The following SIRPD variants were observed in gnomAD, a reference collection of about 807,000 sequenced individuals.
SIRPD encodes signal-regulatory protein delta.
Under a neutral mutation model 18.0 loss-of-function variants are expected in SIRPD, and 21 were observed. The observed-to-expected ratio is 1.17, with a 90% CI of 0.83 to 1.68. The LOEUF is 1.68. SIRPD is among the 40% of genes most tolerant of loss of function. The probability of loss-of-function intolerance (pLI) is 0.00; values close to 1 mark genes in which losing one functional copy is unlikely to be tolerated. For missense variants in SIRPD, 295 were observed against 238.4 expected (o/e 1.24, Z -1.56); for synonymous variants, 106 against 92.9 (o/e 1.14, Z -0.81).
intron 3 of SIRPD, among the ~76,000 whole-genome samples, chr20:1,535,537 C>G (rs1184609531): frequency 2.6e-5 from 4 of 152,104 alleles, no homozygotes; most frequent in Non-Finnish European, 5.9e-5. Context: ...GTATAGTATG[C>G]TAGCATGCTC....
rs753719075 is a variant in SIRPD, at chr20:1,551,931, G to A, written c.181C>T (p.Pro61Ser). The change falls in exon 2 of 4, where the codon CCT becomes TCT. Residue 61 changes from proline (P) to serine (S), a missense_variant. Pro to Ser is a moderately conservative substitution (Grantham distance 74). Coordinates refer to ENST00000381623, the MANE Select transcript of SIRPD (RefSeq NM_178460.3). ...CSVPNTLPNG[P>S]VLWFKGTGPN... is the part of the protein sequence containing the mutation. ...CCTGTTCCCTTGAACCACAAGACAGGTCCATTTGGTAAGGTATTGGGTACG... is the reference window on the plus strand; with the variant it reads ...CCTGTTCCCTTGAACCACAAGACAGATCCATTTGGTAAGGTATTGGGTACG... 6.2e-7 allele frequency: 1 copy of A among 1,613,944 alleles called. No homozygotes were observed. The highest frequency in any genetic ancestry group is 1.3e-5 in the African/African-American group (1 of 74,882).
In SIRPD at chr20:1,551,953, T is replaced by C. The variant is rs147009215; in HGVS notation, c.159A>G (p.Val53=). ...TGESIILSCS[V]PNTLPNGPVL... ...CAGGTCCATTTGGTAAGGTATTGGG[T>C]ACGCTGCAACTCAAGATGATTGACT... is the stretch of plus-strand genomic sequence containing the variant. Residue 53 remains valine, a synonymous_variant, in exon 2 of 4, where the codon GTA becomes GTG. Transcript: ENST00000381623. The C allele has an allele frequency of 3.4e-3, 5,431 of 1,614,092 alleles. 19 individuals carry two copies. Among genetic ancestry groups the C allele is most frequent in the Non-Finnish European group, 3.7e-3 (4,410 of 1,179,992 alleles).
intron 2 of SIRPD, among the ~76,000 whole-genome samples, chr20:1,544,057 G>A (rs1311447596): frequency 1.3e-5 from 2 of 152,196 alleles, no homozygotes; most frequent in Admixed American, 6.5e-5. Context: ...GAATAAGTGA[G>A]ATATGGTGCT....
chr20:1,536,752 C>T (rs542711064), intron 3 of SIRPD, among the ~76,000 whole-genome samples: 1 of 152,282 alleles, frequency 6.6e-6, no homozygotes, highest in East Asian at 1.9e-4. Flanking sequence ...GACAGCATCC[C>T]TGTCTCCCTC....
chr20:1,542,361 G>T (rs1027512008), intron 2 of SIRPD, among the ~76,000 whole-genome samples: 3 of 152,068 alleles, frequency 2.0e-5, no homozygotes, highest in Non-Finnish European at 2.9e-5. Context: ...CACATCCCTT[G>T]TAAGTTGTAT....
intron 2 of SIRPD, among the ~76,000 whole-genome samples, chr20:1,538,929 T>G (rs2090959601): frequency 6.6e-6 from 1 of 152,182 alleles, no homozygotes; most frequent in South Asian, 2.1e-4. Flanking sequence ...ATAAGATGGT[T>G]GTTTTTTTGA....
chr20:1,555,687 A>G (rs1448627650), intron 1 of SIRPD, among the ~76,000 whole-genome samples: 1 of 152,276 alleles, frequency 6.6e-6, no homozygotes, highest in African/African-American at 2.4e-5. Flanking sequence ...TAAGTTCTAC[A>G]AAACAATGGA....
At chr20:1,540,833 C>T (rs1555802639) in intron 2 of SIRPD, among the ~76,000 whole-genome samples, 1 of 152,094 alleles carries the variant, frequency 6.6e-6, no homozygotes, top group Non-Finnish European at 1.5e-5. Flanking sequence ...TGTTCTCCTC[C>T]CTGTGCCCAT....
rs1007335003 is a variant in SIRPD, at chr20:1,534,305, C to T, written c.*120G>A. 3.4e-5 allele frequency: 46 copies of T among 1,354,070 alleles called. No homozygotes were observed. Among genetic ancestry groups the T allele is most frequent in the Non-Finnish European group, 4.1e-5 (40 of 967,830 alleles). 83.9% of individuals were successfully genotyped at this position (1,354,070 alleles called of 1,614,324 possible). On this transcript the variant is annotated 3_prime_UTR_variant, in exon 4 of 4. Transcript: ENST00000381623. ...GTACGATCAAGCTGGCATTTTATGT[C>T]AGTGGAAGAAAGCTCTCTTGAAGAA...
At chr20:1,540,430 T>C (rs2090966076) in intron 2 of SIRPD, 3 of 420,540 alleles carry the variant, frequency 7.1e-6, no homozygotes, top group Non-Finnish European at 1.4e-5. Flanking sequence ...TGCAGATATT[T>C]GTCTGTAGAT....
chr20:1,551,424 T>C (rs2091018397), intron 2 of SIRPD, among the ~76,000 whole-genome samples: 1 of 152,218 alleles, frequency 6.6e-6, no homozygotes, highest in Non-Finnish European at 1.5e-5. Context: ...GGAATTATCC[T>C]AGTTGGCTTA....
rs1311444936 is a variant in SIRPD, at chr20:1,537,143, G to A, written c.577+12C>T. On this transcript the variant is annotated intron_variant, in intron 3 of 3. Coordinates refer to ENST00000381623, the MANE Select transcript of SIRPD (RefSeq NM_178460.3). The stretch of plus-strand genomic sequence containing the variant: ...TCCCTGCATCATGGTACCTGAGGGT[G>A]GGGGCACTCACCTGTGAGTCCCAGC... 3.7e-6 allele frequency: 6 copies of A among 1,612,746 alleles called. No homozygotes were observed. Among genetic ancestry groups the A allele is most frequent in the Non-Finnish European group, 5.1e-6 (6 of 1,179,078 alleles).
At position 1,548,561 on chromosome 20, in the gene SIRPD, A is replaced by G. The variant is rs73569154; in HGVS notation, c.421+3130T>C. 9.1e-3 allele frequency among the ~76,000 whole-genome samples: 1,389 copies of G among 151,928 alleles called. 22 individuals are homozygous for G. The highest frequency in any genetic ancestry group is 0.033 in the African/African-American group (1,355 of 41,454). On this transcript the variant is annotated intron_variant, in intron 2 of 3. Transcript: ENST00000381623. The stretch of plus-strand genomic sequence containing the variant: ...TGTCCATATACGTAAGATATATTTG[A>G]TCTGTGTTTTTTTCTTGTGATGTCT...
chr20:1,550,007 T>G lies in SIRPD; in HGVS notation c.421+1684A>C, dbSNP rs2091011658. Among the ~76,000 whole-genome samples the G allele has an allele frequency of 4.6e-5, 7 of 152,204 alleles. No individual in the cohort carries two copies. The South Asian group carries it at 1.4e-3, about 32-fold the overall frequency. On this transcript the variant is annotated intron_variant, in intron 2 of 3. Transcript: ENST00000381623. Reference sequence around the variant, plus strand: ...GAACTCATTCACAGTATTCTCCCTCTAAACAGCTGTCATGCACTCCTATAT... The same window carrying G: ...GAACTCATTCACAGTATTCTCCCTCGAAACAGCTGTCATGCACTCCTATAT...
In SIRPD at chr20:1,556,598, G is replaced by T. The variant is rs148384396; in HGVS notation, c.73+983C>A. ...ATCAAGTTAAAATGAGGTCATTGAG[G>T]TGGGTGCTAATCCAATATGGTGGAT... On this transcript the variant is annotated intron_variant, in intron 1 of 3. Coordinates refer to ENST00000381623, the MANE Select transcript of SIRPD (RefSeq NM_178460.3). Among the ~76,000 whole-genome samples the T allele has an allele frequency of 1.2e-3, 178 of 152,356 alleles. No homozygotes were observed. The Middle Eastern group carries it at 0.024, about 20-fold the overall frequency.
chr20:1,555,659 T>C lies in SIRPD; in HGVS notation c.73+1922A>G, dbSNP rs73569196. ...TAAAATTTAAAAAACCATCAAGTTG[T>C]ACACCTTTAAAAACAAATAAGTTCT... On this transcript the variant is annotated intron_variant, in intron 1 of 3. Transcript: ENST00000381623. 9.1e-3 allele frequency among the ~76,000 whole-genome samples: 1,392 copies of C among 152,342 alleles called. 22 individuals are homozygous for C. Among genetic ancestry groups the C allele is most frequent in the African/African-American group, 0.033 (1,358 of 41,584 alleles).
At chr20:1,539,759 G>A (rs1443020459) in intron 2 of SIRPD, among the ~76,000 whole-genome samples, 1 of 152,206 alleles carries the variant, frequency 6.6e-6, no homozygotes, top group Non-Finnish European at 1.5e-5. Flanking sequence ...AGGAGAAGCA[G>A]CTGCCATGTT....
chr20:1,545,378 T>C (rs765555493), intron 2 of SIRPD, among the ~76,000 whole-genome samples: 1 of 152,244 alleles, frequency 6.6e-6, no homozygotes, highest in African/African-American at 2.4e-5. Context: ...CTTCAATCTC[T>C]GAAATCCTTT....
chr20:1,543,554 A>G (rs2090981121), intron 2 of SIRPD, among the ~76,000 whole-genome samples: 1 of 150,662 alleles, frequency 6.6e-6, no homozygotes, highest in African/African-American at 2.4e-5. Context: ...TGTTTTGTTA[A>G]TGTTTTAAAA....
Sources: gnomAD v4.1 joint callset for allele counts (sites outside exome capture counted in the v4.1 genomes callset) on GRCh38, gnomAD v4.1.1 for gene constraint, MANE v1.5 for transcripts, NCBI Gene and HGNC (gene_info 2026-07-23, HGNC 2026-07-21) for gene names.